The following ATAD1 variants were observed in gnomAD, a reference collection of about 807,000 sequenced individuals.
The protein encoded by ATAD1 is outer mitochondrial transmembrane helix translocase.
In ATAD1, 18 loss-of-function variants were observed where a neutral mutation model predicts 42.7. That is an observed-to-expected ratio of 0.42 (90% CI 0.29 to 0.63). ATAD1 has a LOEUF of 0.63. ATAD1 is among the 20% of genes least tolerant of loss of function. The pLI is 0.19. For missense variants in ATAD1, 294 were observed against 440.4 expected (o/e 0.67, Z 2.98); for synonymous variants, 132 against 143.1 (o/e 0.92, Z 0.55).
At chr10:87,812,419 G>A (rs1482339936) in intron 2 of ATAD1, among the ~76,000 whole-genome samples, 2 of 152,026 alleles carry the variant, frequency 1.3e-5, no homozygotes, top group African/African-American at 2.4e-5. Flanking sequence ...GCACCACTAC[G>A]TCCGGCTAAT....
At chr10:87,814,903 T>C in intron 1 of ATAD1, 1 of 179,264 alleles carries the variant, frequency 5.6e-6, no homozygotes, top group Non-Finnish European at 1.2e-5. Flanking sequence ...TTAAGGTATT[T>C]ACTCAAAACA....
intron 1 of ATAD1, among the ~76,000 whole-genome samples, chr10:87,829,238 T>A (rs201570783): frequency 0.078 from 9,794 of 125,988 alleles, 404 homozygotes; most frequent in Admixed American, 0.14. Flanking sequence ...TTATTTATTA[T>A]TTATTTATTT....
chr10:87,764,822 G>A (rs139128954), intron 8 of ATAD1, among the ~76,000 whole-genome samples: 2,184 of 152,184 alleles, frequency 0.014, 21 homozygotes, highest in Non-Finnish European at 0.023. Flanking sequence ...AATTTTAAAA[G>A]GTTGGGTGTG....
intron 1 of ATAD1, chr10:87,817,931 A>C (rs1361537188): frequency 3.0e-6 from 3 of 985,618 alleles, no homozygotes; most frequent in South Asian, 4.7e-5. Flanking sequence ...AGAGCTAAGC[A>C]GACCCTAAGG....
At chr10:87,797,013 A>G (rs1856425548) in intron 2 of ATAD1, among the ~76,000 whole-genome samples, 1 of 152,180 alleles carries the variant, frequency 6.6e-6, no homozygotes, top group Non-Finnish European at 1.5e-5. Flanking sequence ...AGCAGGGAAG[A>G]TGAGTTTGAC....
chr10:87,838,048 G>T (rs530679969), intron 1 of ATAD1, among the ~76,000 whole-genome samples: 1 of 152,176 alleles, frequency 6.6e-6, no homozygotes, highest in African/African-American at 2.4e-5. Flanking sequence ...CTGAGTTTCA[G>T]ACTGCCTTAT....
At position 87,799,648 on chromosome 10, in the gene ATAD1, CATAA is replaced by C. The variant is rs563638466; in HGVS notation, c.163-6897_163-6894del. 2.7e-3 allele frequency among the ~76,000 whole-genome samples: 408 copies of C among 152,122 alleles called. 3 individuals are homozygous for C. The highest frequency in any genetic ancestry group is 9.3e-3 in the African/African-American group (388 of 41,514). ...TTTAAATGATGACCATTACAGTTTT[CATAA>C]ATAGTCTAGGTAAACAATTAAAATA... On this transcript the variant is annotated intron_variant, in intron 2 of 9. Coordinates refer to ENST00000680024, the MANE Select transcript of ATAD1 (RefSeq NM_001321967.2).
chr10:87,766,411 T>C (rs1399176888), intron 8 of ATAD1, among the ~76,000 whole-genome samples: 7 of 152,154 alleles, frequency 4.6e-5, no homozygotes, highest in African/African-American at 1.7e-4. Flanking sequence ...GAATCCTATG[T>C]AGTGTAAAAA....
At chr10:87,830,891 TAGAA>T (rs1213620129) in intron 1 of ATAD1, among the ~76,000 whole-genome samples, 2 of 152,170 alleles carry the variant, frequency 1.3e-5, no homozygotes, top group Admixed American at 6.5e-5. Flanking sequence ...TATCTATATT[TAGAA>T]AGATATAATT....
At chr10:87,769,945 G>GA (rs398054582) in intron 7 of ATAD1, among the ~76,000 whole-genome samples, 118 of 140,872 alleles carry the variant, frequency 8.4e-4, no homozygotes, top group Middle Eastern at 7.1e-3. Flanking sequence ...CTGTCTCAAA[G>GA]AAAAAAAAAA....
chr10:87,785,875 T>C (rs989395553), intron 4 of ATAD1, among the ~76,000 whole-genome samples: 1 of 152,170 alleles, frequency 6.6e-6, no homozygotes, highest in African/African-American at 2.4e-5. Context: ...ATTCAAGTTC[T>C]AACAGCAACT....
intron 2 of ATAD1, among the ~76,000 whole-genome samples, chr10:87,801,880 C>A (rs528325025): frequency 1.3e-5 from 2 of 152,284 alleles, no homozygotes; most frequent in Admixed American, 1.3e-4. Context: ...TCAAACAGAA[C>A]AGGAATTAAC....
At chr10:87,801,377 A>C (rs1856684967) in intron 2 of ATAD1, among the ~76,000 whole-genome samples, 1 of 152,184 alleles carries the variant, frequency 6.6e-6, no homozygotes, top group African/African-American at 2.4e-5. Flanking sequence ...GGTTCCCTAT[A>C]AAGTTCAAAA....
intron 5 of ATAD1, among the ~76,000 whole-genome samples, chr10:87,783,837 TG>T (rs1302284616): frequency 6.6e-6 from 1 of 151,694 alleles, no homozygotes; most frequent in Non-Finnish European, 1.5e-5. Context: ...AGAACATTTA[TG>T]GGGATAGTGA....
intron 7 of ATAD1, among the ~76,000 whole-genome samples, chr10:87,770,185 G>A (rs1854964395): frequency 6.6e-6 from 1 of 152,096 alleles, no homozygotes; most frequent in East Asian, 1.9e-4. Flanking sequence ...GAATATAAAT[G>A]GGACAAATGA....
chr10:87,767,173 G>A (rs1854792602), intron 8 of ATAD1, among the ~76,000 whole-genome samples: 1 of 152,078 alleles, frequency 6.6e-6, no homozygotes, highest in Admixed American at 6.6e-5. Flanking sequence ...CATAAGAAAA[G>A]TATCTTTAAC....
intron 8 of ATAD1, among the ~76,000 whole-genome samples, chr10:87,757,207 G>A (rs1854262023): frequency 1.3e-5 from 2 of 148,894 alleles, no homozygotes; most frequent in East Asian, 3.9e-4. Context: ...AGGTACCAAG[G>A]TGACATTTTT....
intron 1 of ATAD1, among the ~76,000 whole-genome samples, chr10:87,830,032 A>G: frequency 6.6e-6 from 1 of 152,104 alleles, no homozygotes; most frequent in Admixed American, 6.5e-5. Context: ...TGTTGCCTCT[A>G]CCCCCAACCC....
In ATAD1 at chr10:87,754,656, G is replaced by T; in HGVS notation, c.*31C>A. The stretch of plus-strand genomic sequence containing the variant: ...ACTGATAAGAGGACACACCAAACTA[G>T]ATCACTGAACTGTACAAATGATCTT... On this transcript the variant is annotated 3_prime_UTR_variant, in exon 10 of 10. Transcript: ENST00000680024. The T allele has an allele frequency of 6.3e-7, 1 of 1,595,844 alleles. No homozygotes were observed. Among genetic ancestry groups the T allele is most frequent in the Non-Finnish European group, 8.6e-7 (1 of 1,168,806 alleles).
Sources: gnomAD v4.1 joint callset for allele counts (sites outside exome capture counted in the v4.1 genomes callset) on GRCh38, gnomAD v4.1.1 for gene constraint, MANE v1.5 for transcripts, NCBI Gene and HGNC (gene_info 2026-07-23, HGNC 2026-07-21) for gene names.